Variants in LY6G6C observed in about 807,000 individuals in gnomAD.
LY6G6C encodes lymphocyte antigen 6 family member G6C, also known as lymphocyte antigen 6 complex locus protein G6c.
Under a neutral mutation model 12.8 loss-of-function variants are expected in LY6G6C, and 12 were observed. The observed-to-expected ratio is 0.94, with a 90% CI of 0.60 to 1.52. The LOEUF (loss-of-function observed/expected upper bound fraction) is 1.52, where lower values mean the gene tolerates loss of function less well. Among genes scored for constraint, LY6G6C ranks in the 40% most tolerant of loss-of-function variants. The probability of loss-of-function intolerance (pLI) is 0.00; values close to 1 mark genes in which losing one functional copy is unlikely to be tolerated. For missense variants in LY6G6C, 125 were observed against 155.8 expected (o/e 0.80, Z 1.05); for synonymous variants, 42 against 61.6 (o/e 0.68, Z 1.49).
Position 31,719,311 on chromosome 6 carries a change from C to T in LY6G6C, c.164-1G>A. On this transcript the variant is annotated splice_acceptor_variant, in intron 2 of 2. Transcript: ENST00000375819. LOFTEE classifies it high-confidence loss of function. The stretch of plus-strand genomic sequence containing the variant: ...AGATTGGAGAAAACCCACATCTTAC[C>T]TAGGGGTGGGAATGGGCAGGGAATC... 6.2e-7 allele frequency: 1 copy of T among 1,613,910 alleles called. No individual in the cohort carries two copies. Among genetic ancestry groups the T allele is most frequent in the South Asian group, 1.1e-5 (1 of 91,074 alleles).
chr6:31,719,331 G>A (rs773456006), intron 2 of LY6G6C, 21 bp from the exon 3 acceptor site: 2 of 1,611,678 alleles, frequency 1.2e-6, no homozygotes, highest in South Asian at 1.1e-5. Context: ...GAATGGGCAG[G>A]GAATCGGCCA....
In LY6G6C at chr6:31,720,025, T is replaced by C; in HGVS notation, c.163+68A>G. On this transcript the variant is annotated intron_variant, in intron 2 of 2. Transcript: ENST00000375819. This position sits in a 1 kb window ranked among gnomAD's most constrained non-coding sequence, Gnocchi z 4.9. Reference sequence around the variant, plus strand: ...TTCTCCATCTCAGTCTTAGACCCATTTGGGCCTCAGTCCTGGTCATAGAGG... The same window carrying C: ...TTCTCCATCTCAGTCTTAGACCCATCTGGGCCTCAGTCCTGGTCATAGAGG... The C allele has an allele frequency of 9.7e-7, 1 of 1,033,570 alleles. No individual in the cohort carries two copies. Among genetic ancestry groups the C allele is most frequent in the Non-Finnish European group, 1.5e-6 (1 of 664,302 alleles). 64.0% of individuals were successfully genotyped at this position (1,033,570 alleles called of 1,614,324 possible). A position where few individuals can be genotyped will look rare whatever the true frequency, so the allele number is the denominator to read the frequency against.
intron 1 of LY6G6C, among the ~76,000 whole-genome samples, chr6:31,721,271 A>C (rs1806765032): frequency 6.6e-6 from 1 of 152,156 alleles, no homozygotes; most frequent in South Asian, 2.1e-4. Flanking sequence ...AGGAGAAGGC[A>C]GGTAAGCTAG....
Position 31,720,124 on chromosome 6 carries a change from TC to T in LY6G6C, c.131del (p.Gly44AspfsTer5). ...ATGCATGTGTTGTCAGGCATTGCTGTCCTGGCTCCAGGCGGCAGGACTGCCG... is the reference window on the plus strand; with the variant it reads ...ATGCATGTGTTGTCAGGCATTGCTGTCTGGCTCCAGGCGGCAGGACTGCCG... ...VDRQSCRLEP[G>X]QQCLTTHAYL... On this transcript the variant is annotated frameshift_variant, in exon 2 of 3. Transcript: ENST00000375819. LOFTEE classifies it high-confidence loss of function. The surrounding 1 kb of genome is among the most constrained non-coding windows in gnomAD (Gnocchi z 4.9). 6.2e-7 allele frequency: 1 copy of T among 1,613,064 alleles called. No homozygotes were observed. Among genetic ancestry groups the T allele is most frequent in the Non-Finnish European group, 8.5e-7 (1 of 1,179,950 alleles).
Position 31,720,283 on chromosome 6 carries a change from G to T in LY6G6C, c.53-80C>A. The T allele has an allele frequency of 1.0e-6, 1 of 994,082 alleles. No individual in the cohort carries two copies. Among genetic ancestry groups the T allele is most frequent in the Non-Finnish European group, 1.6e-6 (1 of 635,176 alleles). The allele number at this position is 994,082 out of a possible 1,614,324, so 61.6% of individuals were successfully genotyped here. A position where few individuals can be genotyped will look rare whatever the true frequency, so the allele number is the denominator to read the frequency against. On this transcript the variant is annotated intron_variant, in intron 1 of 2. Coordinates refer to ENST00000375819, the MANE Select transcript of LY6G6C (RefSeq NM_025261.3). The surrounding 1 kb of genome is among the most constrained non-coding windows in gnomAD (Gnocchi z 4.9). ...AAGCTGAGCTGGGGGCAGGGGTGGA[G>T]GGTGGAGAAGAGCCCATCCCGTAGG...
rs1248136479 is a variant in LY6G6C at position 31,721,709 on chromosome 6, C to T, written c.-30G>A. On this transcript the variant is annotated 5_prime_UTR_variant, in exon 1 of 3. It adds an upstream start codon to the 5' untranslated region. Transcript: ENST00000375819. Reference sequence around the variant, plus strand: ...AGGGTCCTGAGAATGGTGGCAACCACAGCAGCTGATAGAGTAGATTTTCAA... The same window carrying T: ...AGGGTCCTGAGAATGGTGGCAACCATAGCAGCTGATAGAGTAGATTTTCAA... 1.9e-6 allele frequency: 3 copies of T among 1,612,166 alleles called. No homozygotes were observed. Among genetic ancestry groups the T allele is most frequent in the Non-Finnish European group, 2.5e-6 (3 of 1,178,464 alleles).
In LY6G6C at chr6:31,718,792, GC is replaced by G. The variant is rs1220747538; in HGVS notation, c.*303del. 5.0e-5 allele frequency: 24 copies of G among 482,050 alleles called. No homozygotes were observed. Among genetic ancestry groups the G allele is most frequent in the African/African-American group, 3.8e-4 (20 of 52,468 alleles). The allele number at this position is 482,050 out of a possible 1,614,324, so 29.9% of individuals were successfully genotyped here. A position where few individuals can be genotyped will look rare whatever the true frequency, so the allele number is the denominator to read the frequency against. On this transcript the variant is annotated 3_prime_UTR_variant, in exon 3 of 3. Coordinates refer to ENST00000375819, the MANE Select transcript of LY6G6C (RefSeq NM_025261.3). ...AGCCTTCACTGGGGACAACACAGAA[GC>G]CCCATTTCAGGCCCAGATCCCAATC...
chr6:31,718,974 T>C lies in LY6G6C; in HGVS notation c.*122A>G, dbSNP rs185637829. 13 of 793,654 alleles carry C rather than the reference T, an allele frequency of 1.6e-5. No individual in the cohort carries two copies. The Admixed American group carries it at 3.1e-4, about 19-fold the overall frequency. The allele number at this position is 793,654 out of a possible 1,614,324, so 49.2% of individuals were successfully genotyped here. ...TGGATGAGGAGACCACTCGGAACAG[T>C]GTTTAATTAAAGAAATGGGAGCTAG... is the stretch of plus-strand genomic sequence containing the variant. On this transcript the variant is annotated 3_prime_UTR_variant, in exon 3 of 3. Transcript: ENST00000375819.
At chr6:31,719,378 C>T in intron 2 of LY6G6C, 68 bp from the exon 3 acceptor site, 1 of 1,342,988 alleles carries the variant, frequency 7.4e-7, no homozygotes, top group Non-Finnish European at 1.1e-6. Flanking sequence ...CACCTCCCCA[C>T]CCCATCCACC....
At position 31,719,324 on chromosome 6, in the gene LY6G6C, T is replaced by C. The variant is rs748501456; in HGVS notation, c.164-14A>G. The C allele has an allele frequency of 1.9e-6, 3 of 1,613,446 alleles. No homozygotes were observed. The highest frequency in any genetic ancestry group is 2.7e-5 in the African/African-American group (2 of 75,010). On this transcript the variant is annotated splice_polypyrimidine_tract_variant and intron_variant, in intron 2 of 2. Coordinates refer to ENST00000375819, the MANE Select transcript of LY6G6C (RefSeq NM_025261.3). ...CCCACATCTTACCTAGGGGTGGGAA[T>C]GGGCAGGGAATCGGCCAGGATGGGC...
At position 31,720,207 on chromosome 6, in the gene LY6G6C, G is replaced by C. The variant is rs371993360; in HGVS notation, c.53-4C>G. ...CAGGAGTGACAGCGAATGTCAGCTG[G>C]GAAGACACAAGTCAGGCTGAGGTGA... On this transcript the variant is annotated splice_polypyrimidine_tract_variant and splice_region_variant and intron_variant, in intron 1 of 2. Transcript: ENST00000375819. The surrounding 1 kb of genome is among the most constrained non-coding windows in gnomAD (Gnocchi z 4.9). 9.3e-6 allele frequency: 15 copies of C among 1,609,572 alleles called. No individual in the cohort carries two copies. Among genetic ancestry groups the C allele is most frequent in the Non-Finnish European group, 1.2e-5 (14 of 1,177,018 alleles).
In LY6G6C at chr6:31,721,744, T is replaced by C; in HGVS notation, c.-65A>G. 1 of 1,572,044 alleles carries C rather than the reference T, an allele frequency of 6.4e-7. No homozygotes were observed. The stretch of plus-strand genomic sequence containing the variant: ...TAGAGTAGATTTTCAAGGATCCAGC[T>C]CTAGGAGTTGAGTGGCCTTTTTGGA... On this transcript the variant is annotated 5_prime_UTR_variant, in exon 1 of 3. Transcript: ENST00000375819.
rs1806646386 is a variant in LY6G6C, at chr6:31,719,204, G to A, written c.270C>T (p.Thr90=). The A allele has an allele frequency of 6.2e-7, 1 of 1,614,090 alleles. No homozygotes were observed. The highest frequency in any genetic ancestry group is 1.3e-5 in the African/African-American group (1 of 74,930). The change falls in exon 3 of 3, where the codon ACC becomes ACT. Residue 90 remains threonine (T), a synonymous_variant. Transcript: ENST00000375819. ...NRKLGLTYNT[T]CCNKDNCNSA... is the part of the protein sequence containing the mutation. ...TGTTGCAGTTGTCCTTGTTGCAGCA[G>A]GTGGTGTTATATGTCAGACCCAGCT...
chr6:31,720,274 A>C lies in LY6G6C; in HGVS notation c.53-71T>G, dbSNP rs1285416932. ...CCTGGGGATAAGCTGAGCTGGGGGC[A>C]GGGGTGGAGGGTGGAGAAGAGCCCA... On this transcript the variant is annotated intron_variant, in intron 1 of 2. Transcript: ENST00000375819. This position sits in a 1 kb window ranked among gnomAD's most constrained non-coding sequence, Gnocchi z 4.9. The C allele has an allele frequency of 9.1e-7, 1 of 1,100,744 alleles. No individual in the cohort carries two copies. The highest frequency in any genetic ancestry group is 1.4e-6 in the Non-Finnish European group (1 of 726,762). 68.2% of individuals were successfully genotyped at this position (1,100,744 alleles called of 1,614,324 possible). A position where few individuals can be genotyped will look rare whatever the true frequency, so the allele number is the denominator to read the frequency against.
At chr6:31,719,903 A>G (rs1806693527) in intron 2 of LY6G6C, among the ~76,000 whole-genome samples, 190 bp downstream of exon 2, 1 of 152,154 alleles carries the variant, frequency 6.6e-6, no homozygotes, top group African/African-American at 2.4e-5. Flanking sequence ...CAGGGTTGTC[A>G]TGAACATTAA....
At position 31,719,166 on chromosome 6, in the gene LY6G6C, CG is replaced by C. The variant is rs1806643198; in HGVS notation, c.307del (p.Arg103GlyfsTer57). ...NKDNCNSAGP[R>X]PTPALGLVFL... ...GACAAGGCCCAGGGCTGGAGTGGGC[CG>C]GGGTCCTGCGCTGTTGCAGTTGTCC... is the stretch of plus-strand genomic sequence containing the variant. On this transcript the variant is annotated frameshift_variant, in exon 3 of 3. Coordinates refer to ENST00000375819, the MANE Select transcript of LY6G6C (RefSeq NM_025261.3). LOFTEE classifies it high-confidence loss of function. The C allele has an allele frequency of 1.9e-6, 3 of 1,614,032 alleles. No individual in the cohort carries two copies. The highest frequency in any genetic ancestry group is 2.5e-6 in the Non-Finnish European group (3 of 1,179,980).
rs1466578021 is a variant in LY6G6C at position 31,720,528 on chromosome 6, T to TA, written c.53-326dup. ...GGAGATAGATGGAATGTGAGGAAGA[T>TA]ACCATGGGGAAAGAATGTGGATGGT... On this transcript the variant is annotated intron_variant, in intron 1 of 2. Transcript: ENST00000375819. The surrounding 1 kb of genome is among the most constrained non-coding windows in gnomAD (Gnocchi z 4.9). Among the ~76,000 whole-genome samples, 1 of 152,060 alleles carries TA rather than the reference T, an allele frequency of 6.6e-6. No individual in the cohort carries two copies. Among genetic ancestry groups the TA allele is most frequent in the African/African-American group, 2.4e-5 (1 of 41,394 alleles).
At chr6:31,719,388 C>T in intron 2 of LY6G6C, 78 bp from the exon 3 acceptor site, 1 of 1,250,512 alleles carries the variant, frequency 8.0e-7, no homozygotes, top group Non-Finnish European at 1.2e-6. Context: ...CCCCATCCAC[C>T]CACCTAGGCT....
In LY6G6C at chr6:31,720,504, G is replaced by T. The variant is rs1806722958; in HGVS notation, c.53-301C>A. Reference sequence around the variant, plus strand: ...AACTATGAAGAAAAACATGGGGCTGGAGATAGATGGAATGTGAGGAAGATA... The same window carrying T: ...AACTATGAAGAAAAACATGGGGCTGTAGATAGATGGAATGTGAGGAAGATA... On this transcript the variant is annotated intron_variant, in intron 1 of 2. Coordinates refer to ENST00000375819, the MANE Select transcript of LY6G6C (RefSeq NM_025261.3). The surrounding 1 kb of genome is among the most constrained non-coding windows in gnomAD (Gnocchi z 4.9). 6.6e-6 allele frequency among the ~76,000 whole-genome samples: 1 copy of T among 152,172 alleles called. No homozygotes were observed. The highest frequency in any genetic ancestry group is 2.1e-4 in the South Asian group (1 of 4,830).
Sources: allele counts gnomAD v4.1 joint callset (sites outside exome capture counted in the v4.1 genomes callset), GRCh38; gene constraint gnomAD v4.1.1; non-coding constraint Gnocchi (gnomAD v3.1); transcripts MANE v1.5; gene names NCBI Gene and HGNC (gene_info 2026-07-23, HGNC 2026-07-21).